The following CNTN6 variants were observed in gnomAD, a reference collection of about 807,000 sequenced individuals.
CNTN6 encodes the protein contactin-6.
In CNTN6, 137 loss-of-function variants were observed where a neutral mutation model predicts 122.8. That is an observed-to-expected ratio of 1.12 (90% CI 0.97 to 1.29). The LOEUF is 1.29. Among genes scored for constraint, CNTN6 ranks in the 50% most tolerant of loss-of-function variants. The pLI is 0.00. For synonymous variants in CNTN6, 570 were observed against 426.0 expected (o/e 1.34, Z -4.16); for missense variants, 1,634 against 1,223.4 (o/e 1.34, Z -5.01).
intron 4 of CNTN6, among the ~76,000 whole-genome samples, chr3:1,273,823 C>T (rs1331603956): frequency 6.6e-6 from 1 of 152,092 alleles, no homozygotes; most frequent in African/African-American, 2.4e-5. Context: ...CAAGCGGATG[C>T]TATTTAAGTG....
At chr3:1,340,559 G>A (rs1450459932) in intron 11 of CNTN6, among the ~76,000 whole-genome samples, 1 of 152,112 alleles carries the variant, frequency 6.6e-6, no homozygotes, top group Non-Finnish European at 1.5e-5. Flanking sequence ...GGTTAAAGTC[G>A]CTAAGCCCCA....
intron 4 of CNTN6, among the ~76,000 whole-genome samples, chr3:1,252,929 A>G (rs1017522771): frequency 3.9e-5 from 6 of 152,190 alleles, no homozygotes; most frequent in African/African-American, 1.4e-4. Context: ...TTCCTTAACG[A>G]AGACTCCCTA....
intron 20 of CNTN6, among the ~76,000 whole-genome samples, chr3:1,388,442 T>A (rs1272547322): frequency 8.5e-4 from 127 of 149,138 alleles, no homozygotes; most frequent in Middle Eastern, 6.8e-3. Flanking sequence ...CAAAAGTAGA[T>A]AAAAACCACA....
At chr3:1,349,495 TC>T (rs1705287992) in intron 11 of CNTN6, among the ~76,000 whole-genome samples, 1 of 151,854 alleles carries the variant, frequency 6.6e-6, no homozygotes, top group Non-Finnish European at 1.5e-5. Context: ...AGATAAAGTA[TC>T]TTTTTTGCAT....
chr3:1,401,587 C>A, intron 21 of CNTN6, 42 bp downstream of exon 21: 1 of 1,373,066 alleles, frequency 7.3e-7, no homozygotes, highest in Non-Finnish European at 1.0e-6. Flanking sequence ...AATTAAGTTA[C>A]TAAGGAATGA....
intron 7 of CNTN6, among the ~76,000 whole-genome samples, chr3:1,314,944 A>G (rs155228): frequency 0.33 from 50,275 of 151,886 alleles, 14,547 homozygotes; most frequent in African/African-American, 0.79. Context: ...GGAATCTTTG[A>G]ATAAGAGAAT....
At chr3:1,113,543 G>A (rs1309441519) in intron 1 of CNTN6, among the ~76,000 whole-genome samples, 1 of 152,112 alleles carries the variant, frequency 6.6e-6, no homozygotes, top group Non-Finnish European at 1.5e-5. Flanking sequence ...GATTTCAGAA[G>A]AAAGATAAAG....
In CNTN6 at chr3:1,295,757, A is replaced by G. The variant is rs1219988937; in HGVS notation, c.611A>G (p.Gln204Arg). ...TGCTTTATAACTAACAAAGAGGCCC[A>G]GAGAAGTGTTCAAGGTCCACCCACT... ...YTCFITNKEAQRSVQGPPTPL... is the reference protein window; with the variant it reads ...YTCFITNKEARRSVQGPPTPL... The change falls in exon 6 of 23, where the codon CAG (glutamine) becomes CGG (arginine). Residue 204 changes from glutamine to arginine, a missense_variant. Gln to Arg is a conservative substitution (Grantham distance 43, BLOSUM62 1). Transcript: ENST00000446702. The G allele has an allele frequency of 6.2e-7, 1 of 1,614,062 alleles. No homozygotes were observed. The highest frequency in any genetic ancestry group is 1.1e-5 in the South Asian group (1 of 91,072).
intron 2 of CNTN6, among the ~76,000 whole-genome samples, chr3:1,212,869 G>A (rs772154363): frequency 1.3e-5 from 2 of 152,038 alleles, no homozygotes; most frequent in Non-Finnish European, 1.5e-5. Context: ...ACAATTAGTT[G>A]AAACTAGACT....
chr3:1,144,608 T>A (rs114032808), intron 1 of CNTN6, among the ~76,000 whole-genome samples: 1 of 142,726 alleles, frequency 7.0e-6, no homozygotes, highest in Non-Finnish European at 1.5e-5. Context: ...AAATAAAAAA[T>A]AAAAAAAGAA....
intron 5 of CNTN6, among the ~76,000 whole-genome samples, chr3:1,289,992 A>T (rs1042968296): frequency 1.3e-5 from 2 of 152,006 alleles, no homozygotes; most frequent in Non-Finnish European, 2.9e-5. Context: ...CATTTTTATC[A>T]ATGATTTCCA....
chr3:1,122,683 A>C (rs1380928318), intron 1 of CNTN6, among the ~76,000 whole-genome samples: 1 of 151,960 alleles, frequency 6.6e-6, no homozygotes, highest in Non-Finnish European at 1.5e-5. Flanking sequence ...GATATTTTGT[A>C]TAAATGGATT....
chr3:1,243,076 T>C (rs879942426), intron 4 of CNTN6, among the ~76,000 whole-genome samples: 43 of 151,534 alleles, frequency 2.8e-4, no homozygotes, highest in South Asian at 6.3e-4. Flanking sequence ...AGTCTTCAGC[T>C]GCTAAGCCGA....
chr3:1,257,866 C>G lies in CNTN6; in HGVS notation c.359-20547C>G, dbSNP rs577714033. 1.2e-3 allele frequency among the ~76,000 whole-genome samples: 187 copies of G among 152,140 alleles called. 1 individual carries two copies. Among genetic ancestry groups the G allele is most frequent in the Non-Finnish European group, 8.2e-4 (56 of 68,026 alleles). On this transcript the variant is annotated intron_variant, in intron 4 of 22. Coordinates refer to ENST00000446702, the MANE Select transcript of CNTN6 (RefSeq NM_001289080.2). The stretch of plus-strand genomic sequence containing the variant: ...AGCACTGCCTAGATACTAATGGTTT[C>G]TGATGCCTTATTCTTCCTGTAAATA...
chr3:1,367,909 A>G (rs1313290166), intron 12 of CNTN6, among the ~76,000 whole-genome samples: 2 of 152,166 alleles, frequency 1.3e-5, no homozygotes, highest in Non-Finnish European at 2.9e-5. Context: ...CAGCTTGCCC[A>G]TACCTCGCCG....
chr3:1,212,262 T>TTG (rs2094051695), intron 2 of CNTN6, among the ~76,000 whole-genome samples: 2 of 150,376 alleles, frequency 1.3e-5, no homozygotes, highest in Admixed American at 1.3e-4. Flanking sequence ...GTTTTTTTTT[T>TTG]TTTTTTTTGA....
intron 2 of CNTN6, among the ~76,000 whole-genome samples, chr3:1,219,782 G>T (rs1299339517): frequency 2.6e-5 from 4 of 152,094 alleles, no homozygotes; most frequent in Admixed American, 2.6e-4. Context: ...TTGGGAGGCT[G>T]AGGTGAATGG....
chr3:1,329,186 T>C (rs1701941913), intron 10 of CNTN6, among the ~76,000 whole-genome samples: 3 of 151,140 alleles, frequency 2.0e-5, no homozygotes, highest in South Asian at 2.1e-4. Flanking sequence ...GAAACACACA[T>C]ACATATATAC....
intron 1 of CNTN6, among the ~76,000 whole-genome samples, chr3:1,135,730 G>A (rs1267905139): frequency 2.6e-5 from 4 of 152,250 alleles, no homozygotes; most frequent in African/African-American, 7.2e-5. Flanking sequence ...AGTGGCTCAC[G>A]CCTGTAATCC....
Sources: allele counts gnomAD v4.1 joint callset (sites outside exome capture counted in the v4.1 genomes callset), GRCh38; gene constraint gnomAD v4.1.1; transcripts MANE v1.5; gene names NCBI Gene and HGNC (gene_info 2026-07-23, HGNC 2026-07-21).